The following CDC123 variants were observed in gnomAD, a reference collection of about 807,000 sequenced individuals.
CDC123 encodes the protein cell division cycle 123.
A neutral mutation model predicts 54.4 loss-of-function variants in CDC123; 37 were observed. The observed-to-expected ratio is 0.68, with a 90% CI of 0.52 to 0.89. The LOEUF (loss-of-function observed/expected upper bound fraction) is 0.89. CDC123 is among the 40% of genes least tolerant of loss of function. The probability of loss-of-function intolerance (pLI) is 0.00; values close to 1 mark genes in which losing one functional copy is unlikely to be tolerated. For synonymous variants in CDC123, 144 were observed against 136.8 expected (o/e 1.05, Z -0.37); for missense variants, 361 against 412.1 (o/e 0.88, Z 1.07).
At chr10:12,229,514 G>A (rs887166342) in intron 6 of CDC123, among the ~76,000 whole-genome samples, 8 of 152,136 alleles carry the variant, frequency 5.3e-5, no homozygotes, top group Admixed American at 2.0e-4. Context: ...GCCTTAGCAC[G>A]TTTCTCCGTG....
chr10:12,204,530 CAA>C (rs1234451256), intron 2 of CDC123, among the ~76,000 whole-genome samples: 4 of 152,040 alleles, frequency 2.6e-5, no homozygotes, highest in Non-Finnish European at 5.9e-5. Flanking sequence ...TTATGGGGAA[CAA>C]GAGATGTTTT....
chr10:12,246,217 A>G lies in CDC123; in HGVS notation c.786A>G (p.Glu262=), dbSNP rs1836134146. The G allele has an allele frequency of 6.8e-6, 11 of 1,614,188 alleles. No homozygotes were observed. In the East Asian group the frequency reaches 2.5e-4, roughly 36 times the overall value. Residue 262 remains glutamate (E), a synonymous_variant, in exon 11 of 13, where the codon GAA becomes GAG. Transcript: ENST00000281141. ...EVTDSLLFTW[E]ELISENNLNG... ...CAGATTCACTGCTGTTCACCTGGGA[A>G]GAACTGATATCTGAGAACAACTTAA...
At chr10:12,226,239 A>G (rs1245280064) in intron 6 of CDC123, among the ~76,000 whole-genome samples, 1 of 152,100 alleles carries the variant, frequency 6.6e-6, no homozygotes, top group African/African-American at 2.4e-5. Flanking sequence ...CAAAACCGCC[A>G]TCGTCATCAT....
At chr10:12,232,761 T>A (rs538628600) in intron 7 of CDC123, among the ~76,000 whole-genome samples, 1 of 151,146 alleles carries the variant, frequency 6.6e-6, no homozygotes, top group Non-Finnish European at 1.5e-5. Flanking sequence ...CTGCCAGGTA[T>A]GAGAAAGAGA....
At chr10:12,226,769 A>G (rs1395756749) in intron 6 of CDC123, among the ~76,000 whole-genome samples, 2 of 149,378 alleles carry the variant, frequency 1.3e-5, no homozygotes, top group African/African-American at 5.0e-5. Flanking sequence ...CTCACTTCCC[A>G]GACTGGGCGG....
At chr10:12,246,115 G>A in intron 10 of CDC123, 34 bp from the exon 11 acceptor site, 4 of 1,603,986 alleles carry the variant, frequency 2.5e-6, no homozygotes, top group Non-Finnish European at 3.4e-6. Context: ...TACAGAAGAT[G>A]TTTGTTTTTG....
At position 12,237,164 on chromosome 10, in the gene CDC123, A is replaced by G; in HGVS notation, c.586A>G (p.Thr196Ala). Residue 196 changes from threonine to alanine, a missense_variant, in exon 9 of 13, where the codon ACA (threonine) becomes GCA (alanine). Physicochemically the swap from Thr to Ala is moderately conservative, Grantham distance 58 (BLOSUM62 0). Transcript: ENST00000281141. ...KLIGISQRDY[T>A]QYYDHISKQK... ...GTCAGGTATTTCTCAAAGAGACTAC[A>G]CACAATACTATGATCATATTTCTAA... is the stretch of plus-strand genomic sequence containing the variant. 1 of 1,558,156 alleles carries G rather than the reference A, an allele frequency of 6.4e-7. No individual in the cohort carries two copies.
intron 2 of CDC123, among the ~76,000 whole-genome samples, chr10:12,201,971 A>G (rs1228215474): frequency 2.6e-5 from 4 of 152,194 alleles, no homozygotes; most frequent in Non-Finnish European, 5.9e-5. Flanking sequence ...TAATAGAACA[A>G]CTAGATGAAT....
intron 6 of CDC123, among the ~76,000 whole-genome samples, chr10:12,220,819 T>TA (rs563454429): frequency 8.3e-4 from 126 of 151,886 alleles, no homozygotes; most frequent in African/African-American, 3.0e-3. Context: ...CTACTGAAAA[T>TA]ACAAAAAATT....
At chr10:12,225,132 C>T (rs1835793097) in intron 6 of CDC123, among the ~76,000 whole-genome samples, 1 of 152,164 alleles carries the variant, frequency 6.6e-6, no homozygotes, top group African/African-American at 2.4e-5. Flanking sequence ...CGGTGGCTCA[C>T]ATCTGTAATC....
chr10:12,207,312 A>G (rs1372854816), intron 2 of CDC123, among the ~76,000 whole-genome samples: 1 of 152,124 alleles, frequency 6.6e-6, no homozygotes, highest in Non-Finnish European at 1.5e-5. Context: ...AGTGTCTACA[A>G]GTTCCTCTGT....
At chr10:12,230,738 C>A (rs192555366) in intron 6 of CDC123, among the ~76,000 whole-genome samples, 189 of 152,290 alleles carry the variant, frequency 1.2e-3, no homozygotes, top group Middle Eastern at 3.4e-3. Context: ...AACATTGTTT[C>A]GATGATTAAA....
intron 2 of CDC123, among the ~76,000 whole-genome samples, chr10:12,207,711 G>A (rs774236575): frequency 6.6e-6 from 1 of 152,130 alleles, no homozygotes; most frequent in Non-Finnish European, 1.5e-5. Flanking sequence ...GTGGGAGCAG[G>A]GTGGGAGGAA....
chr10:12,237,035 A>C, intron 8 of CDC123, 109 bp from the exon 9 acceptor site: 1 of 1,297,102 alleles, frequency 7.7e-7, no homozygotes, highest in South Asian at 2.0e-5. Flanking sequence ...CATCAGGGTG[A>C]TCTTCTAATC....
rs576540121 is a variant in CDC123 at position 12,202,883 on chromosome 10, C to T, written c.146+4107C>T. Among the ~76,000 whole-genome samples, 21 of 152,260 alleles carry T rather than the reference C, an allele frequency of 1.4e-4. No individual in the cohort carries two copies. The East Asian group carries it at 1.5e-3, about 11-fold the overall frequency. The stretch of plus-strand genomic sequence containing the variant: ...TACAGAACTTAGCCAGACGTGGTGG[C>T]GCACTCCTGTAATCCCAGCTACTCA... On this transcript the variant is annotated intron_variant, in intron 2 of 12. Coordinates refer to ENST00000281141, the MANE Select transcript of CDC123 (RefSeq NM_006023.3).
chr10:12,245,230 G>T (rs967323093), intron 10 of CDC123: 5 of 148,156 alleles, frequency 3.4e-5, no homozygotes, highest in African/African-American at 1.3e-4. Context: ...TTGGGTGACA[G>T]TTCCCTTTCC....
intron 11 of CDC123, among the ~76,000 whole-genome samples, chr10:12,249,011 T>A (rs538725293): frequency 6.6e-6 from 1 of 151,424 alleles, no homozygotes; most frequent in Admixed American, 6.6e-5. Flanking sequence ...CTTGGGAAGC[T>A]GAGGTGGGAG....
intron 4 of CDC123, among the ~76,000 whole-genome samples, chr10:12,210,836 G>T (rs888245523): frequency 5.3e-5 from 8 of 152,080 alleles, no homozygotes; most frequent in African/African-American, 1.9e-4. Context: ...GAGTAGCTGG[G>T]ATTACAGTCA....
At chr10:12,236,393 G>C (rs1835976676) in intron 8 of CDC123, among the ~76,000 whole-genome samples, 1 of 152,096 alleles carries the variant, frequency 6.6e-6, no homozygotes, top group Non-Finnish European at 1.5e-5. Context: ...GAGGCCAGGA[G>C]TTCAAGACCA....
Sources: allele counts gnomAD v4.1 joint callset (sites outside exome capture counted in the v4.1 genomes callset), GRCh38; gene constraint gnomAD v4.1.1; transcripts MANE v1.5; gene names NCBI Gene and HGNC (gene_info 2026-07-23, HGNC 2026-07-21).